RPL36A: variants seen among roughly 807,000 people sequenced by gnomAD.
RPL36A encodes large ribosomal subunit protein eL42.
For missense variants in RPL36A, 20 were observed against 81.0 expected, an observed-to-expected ratio of 0.25 and a Z score of 2.89; for synonymous variants, 25 against 28.5, an observed-to-expected ratio of 0.88 and a Z score of 0.39.
At position 101,391,795 on chromosome X, in the gene RPL36A, G is replaced by A. The variant is rs782331196; in HGVS notation, c.150G>A (p.Gly50=). Residue 50 remains glycine (G), a synonymous_variant, in exon 3 of 5, where the codon GGG becomes GGA. Coordinates refer to ENST00000553110, the MANE Select transcript of RPL36A (RefSeq NM_021029.6). ...RYDRKQSGYG[G]QTKPIFRKKA... ...ACAGGAAGCAGAGTGGCTATGGTGGGCAAACTAAGCCGATTTTCCGGAAAA... is the reference window on the plus strand; with the variant it reads ...ACAGGAAGCAGAGTGGCTATGGTGGACAAACTAAGCCGATTTTCCGGAAAA... 2.5e-6 allele frequency: 3 copies of A among 1,207,895 alleles called. No homozygotes were observed. Among genetic ancestry groups the A allele is most frequent in the Non-Finnish European group, 3.4e-6 (3 of 894,782 alleles).
chrX:101,391,350 C>A, intron 1 of RPL36A, 109 bp from the exon 2 acceptor site: 1 of 948,374 alleles, frequency 1.1e-6, no homozygotes, highest in Non-Finnish European at 1.5e-6. Context: ...TCAGAGGTAG[C>A]AAGTAATGAG....
rs1603034222 is a variant in RPL36A at position 101,395,118 on chromosome X, C to G, written c.178-217C>G. The G allele has an allele frequency of 3.1e-5, 8 of 257,715 alleles. No homozygotes were observed. The East Asian group carries it at 5.6e-4, about 18-fold the overall frequency. The allele number at this position is 257,715 out of a possible 1,213,427, so 21.2% of individuals were successfully genotyped here. A position where few individuals can be genotyped will look rare whatever the true frequency, so the allele number is the denominator to read the frequency against. ...CTTTATTTTTTTTAGTCCACAAGTT[C>G]TACACATTTTCTCTTAAATTCACTG... On this transcript the variant is annotated intron_variant, in intron 3 of 4. Coordinates refer to ENST00000553110, the MANE Select transcript of RPL36A (RefSeq NM_021029.6).
Position 101,394,788 on chromosome X carries a change from ATAT to A in RPL36A, c.178-545_178-543del, listed in dbSNP as rs1237367334. Among the ~76,000 whole-genome samples, 164 of 71,722 alleles carry A rather than the reference ATAT, an allele frequency of 2.3e-3. 1 individual carries two copies. The highest frequency in any genetic ancestry group is 0.016 in the African/African-American group (160 of 10,150). 62.3% of individuals were successfully genotyped at this position (71,722 alleles called of 115,157 possible). A position where few individuals can be genotyped will look rare whatever the true frequency, so the allele number is the denominator to read the frequency against. On this transcript the variant is annotated intron_variant, in intron 3 of 4. Transcript: ENST00000553110. ...ATTTATATATATAATATATATATAT[ATAT>A]TTTTTTTTTTTTTTTGAGATGGAGT...
At chrX:101,394,790 A>T (rs1445241335) in intron 3 of RPL36A, among the ~76,000 whole-genome samples, 852 of 78,931 alleles carry the variant, frequency 0.011, 8 homozygotes, top group Non-Finnish European at 0.014. Flanking sequence ...ATATATATAT[A>T]TTTTTTTTTT....
chrX:101,395,241 A>T, intron 3 of RPL36A, 94 bp from the exon 4 acceptor site: 2 of 1,000,215 alleles, frequency 2.0e-6, no homozygotes, highest in Non-Finnish European at 2.6e-6. Flanking sequence ...TTCATTTGCA[A>T]TGCTTTGCTT....
rs868919998 is a variant in RPL36A at position 101,394,776 on chromosome X, A to T, written c.178-559A>T. On this transcript the variant is annotated intron_variant, in intron 3 of 4. Coordinates refer to ENST00000553110, the MANE Select transcript of RPL36A (RefSeq NM_021029.6). ...TTTTTTATATATATTTATATATATA[A>T]TATATATATATATATTTTTTTTTTT... is the stretch of plus-strand genomic sequence containing the variant. 2.6e-3 allele frequency among the ~76,000 whole-genome samples: 184 copies of T among 69,928 alleles called. 1 individual carries two copies. Among genetic ancestry groups the T allele is most frequent in the South Asian group, 0.013 (17 of 1,342 alleles). The allele number at this position is 69,928 out of a possible 115,157, so 60.7% of individuals were successfully genotyped here. A position where few individuals can be genotyped will look rare whatever the true frequency, so the allele number is the denominator to read the frequency against.
chrX:101,393,837 A>G, intron 3 of RPL36A: 2 of 109,661 alleles, frequency 1.8e-5, no homozygotes, highest in South Asian at 8.2e-4. Flanking sequence ...GTCCTAGAAC[A>G]GAAAAAGGAC....
intron 3 of RPL36A, chrX:101,392,273 C>T: frequency 1.1e-6 from 1 of 883,568 alleles, no homozygotes; most frequent in Non-Finnish European, 1.4e-6. Context: ...TTAGGCCTTT[C>T]TGCTAGCCTC....
intron 3 of RPL36A, 194 bp downstream of exon 3, chrX:101,392,016 G>T: frequency 8.6e-7 from 1 of 1,163,745 alleles, no homozygotes; most frequent in Non-Finnish European, 1.1e-6. Flanking sequence ...CACTATTTCA[G>T]TGTTTACGAT....
At chrX:101,394,344 TAAA>T (rs1248967438) in intron 3 of RPL36A, among the ~76,000 whole-genome samples, 1 of 102,234 alleles carries the variant, frequency 9.8e-6, no homozygotes, top group Non-Finnish European at 2.0e-5. Flanking sequence ...AAAAGAACAA[TAAA>T]AAAAGTTGAG....
In RPL36A at chrX:101,391,877, C is replaced by T. The variant is rs782494115; in HGVS notation, c.177+55C>T. 5 of 1,198,277 alleles carry T rather than the reference C, an allele frequency of 4.2e-6. No individual in the cohort carries two copies. In the Admixed American group the frequency reaches 9.0e-5, roughly 21 times the overall value. The stretch of plus-strand genomic sequence containing the variant: ...CAGTTAATTGCCGTAAGGATATGCA[C>T]TTGTCTCTAGTCCACACACTTCATG... On this transcript the variant is annotated intron_variant, in intron 3 of 4. Coordinates refer to ENST00000553110, the MANE Select transcript of RPL36A (RefSeq NM_021029.6).
Position 101,391,696 on chromosome X carries a change from T to A in RPL36A, c.110-59T>A. 3 of 1,203,798 alleles carry A rather than the reference T, an allele frequency of 2.5e-6. No individual in the cohort carries two copies. The South Asian group carries it at 5.4e-5, about 22-fold the overall frequency. ...TCTGCTGCGAAATTAAGATAAAACC[T>A]GTAAGACTTACTTGCTGATCTTCAG... On this transcript the variant is annotated intron_variant, in intron 2 of 4. Transcript: ENST00000553110.
chrX:101,391,894 C>A, intron 3 of RPL36A, 72 bp downstream of exon 3: 1 of 1,194,871 alleles, frequency 8.4e-7, no homozygotes, highest in Non-Finnish European at 1.1e-6. Context: ...CTAGTCCACA[C>A]ACTTCATGAT....
intron 3 of RPL36A, chrX:101,392,449 A>G (rs1305688910): frequency 1.3e-6 from 1 of 778,084 alleles, no homozygotes; most frequent in Non-Finnish European, 1.5e-6. Context: ...TCCAGAAAGT[A>G]TTAAGGAATG....
At chrX:101,395,603 A>G (rs1306792504) in intron 4 of RPL36A, 125 bp from the exon 5 acceptor site, 3 of 1,093,595 alleles carry the variant, frequency 2.7e-6, no homozygotes, top group Admixed American at 4.9e-5. Flanking sequence ...GTCTTTTGCT[A>G]CAAGGAGGAA....
chrX:101,392,780 G>A (rs1050579568), intron 3 of RPL36A: 1 of 226,881 alleles, frequency 4.4e-6, no homozygotes. Flanking sequence ...TAATAGCTAA[G>A]ATTTAGAAGC....
chrX:101,396,096 TAA>T lies in RPL36A; in HGVS notation c.*349_*350del, dbSNP rs1386498976. 4.8e-6 allele frequency: 1 copy of T among 206,627 alleles called. No individual in the cohort carries two copies. Among genetic ancestry groups the T allele is most frequent in the Non-Finnish European group, 8.8e-6 (1 of 114,193 alleles). 17.0% of individuals were successfully genotyped at this position (206,627 alleles called of 1,213,427 possible). On this transcript the variant is annotated 3_prime_UTR_variant, in exon 5 of 5. Coordinates refer to ENST00000553110, the MANE Select transcript of RPL36A (RefSeq NM_021029.6). ...AATATGAGATGTCTTTGCTAAGAGT[TAA>T]GTGTCAGATCTTTGTTATAACAGTT...
chrX:101,392,974 G>C, intron 3 of RPL36A: 2 of 108,340 alleles, frequency 1.8e-5, no homozygotes, highest in Middle Eastern at 4.6e-3. Flanking sequence ...AATTAGCCGG[G>C]CTTGTGGTGT....
chrX:101,391,668 A>G (rs1431177749), intron 2 of RPL36A, 87 bp from the exon 3 acceptor site: 4 of 1,196,962 alleles, frequency 3.3e-6, no homozygotes, highest in Middle Eastern at 2.3e-4. Flanking sequence ...GAGCGTTAAT[A>G]TTTCTGCTGC....
Sources: allele counts gnomAD v4.1 joint callset (sites outside exome capture counted in the v4.1 genomes callset), GRCh38; gene constraint gnomAD v4.1.1; transcripts MANE v1.5; gene names NCBI Gene and HGNC (gene_info 2026-07-23, HGNC 2026-07-21).